TTC21B: variants seen among roughly 807,000 people sequenced by gnomAD.
TTC21B encodes the protein tetratricopeptide repeat domain 21B, also known as tetratricopeptide repeat protein 21B.
TTC21B carries 127 observed loss-of-function variants against 175.1 expected under a neutral mutation model. The ratio of observed to expected loss-of-function variants is 0.73; its 90% CI spans 0.63 to 0.84. The LOEUF is 0.84. Among genes scored for constraint, TTC21B ranks in the 40% least tolerant of loss-of-function variants. The pLI, the probability that TTC21B is intolerant of heterozygous loss-of-function variation, is 0.00. For synonymous variants in TTC21B, 524 were observed against 524.5 expected, an observed-to-expected ratio of 1.00 and a Z score of 0.01; for missense variants, 1,561 against 1,558.3, an observed-to-expected ratio of 1.00 and a Z score of -0.03.
chr2:165,927,297 T>C lies in TTC21B; in HGVS notation c.1386+1838A>G, dbSNP rs866955750. On this transcript the variant is annotated intron_variant, in intron 11 of 28. Coordinates refer to ENST00000243344, the MANE Select transcript of TTC21B (RefSeq NM_024753.5). ...ATATATATATATATCCTAGTAGTTATATATATATATTATATATTATATAAT... is the reference window on the plus strand; with the variant it reads ...ATATATATATATATCCTAGTAGTTACATATATATATTATATATTATATAAT... 3.1e-3 allele frequency among the ~76,000 whole-genome samples: 303 copies of C among 99,040 alleles called. 10 individuals are homozygous for C. Among genetic ancestry groups the C allele is most frequent in the African/African-American group, 0.013 (294 of 22,558 alleles). The allele number at this position is 99,040 out of a possible 152,430, so 65.0% of individuals were successfully genotyped here. A position where few individuals can be genotyped will look rare whatever the true frequency, so the allele number is the denominator to read the frequency against.
chr2:165,931,127 T>C (rs183100166), intron 8 of TTC21B, among the ~76,000 whole-genome samples: 10 of 152,210 alleles, frequency 6.6e-5, no homozygotes, highest in African/African-American at 2.4e-4. Context: ...CAATCTGATA[T>C]CTTTGTTTTT....
intron 14 of TTC21B, 130 bp downstream of exon 14, chr2:165,917,127 C>CAG: frequency 1.2e-6 from 1 of 814,990 alleles, no homozygotes; most frequent in South Asian, 1.5e-5. Context: ...GATCCATCTG[C>CAG]CTCGGCCTCC....
At chr2:165,906,164 C>G (rs1054496386) in intron 19 of TTC21B, among the ~76,000 whole-genome samples, 1 of 146,888 alleles carries the variant, frequency 6.8e-6, no homozygotes, top group Non-Finnish European at 1.5e-5. Context: ...TGCTGATAAA[C>G]CAGTGTTGAG....
intron 19 of TTC21B, 116 bp from the exon 20 acceptor site, chr2:165,902,026 C>T (rs1685586770): frequency 2.2e-6 from 2 of 917,902 alleles, no homozygotes; most frequent in African/African-American, 3.4e-5. Context: ...CTTGATCTAA[C>T]AAAGTCTGAT....
In TTC21B at chr2:165,890,590, T is replaced by C. The variant is rs761450260; in HGVS notation, c.3152A>G (p.Lys1051Arg). ...GGCATTTTGGCCCCAGTCACGATCT[T>C]TCCGAGCTTTATTAAAATGTCGAAG... Reference protein sequence around the residue: ...DALRHFNKARKDRDWGQNALY... With the variant: ...DALRHFNKARRDRDWGQNALY... Residue 1051 changes from lysine to arginine, a missense_variant, in exon 24 of 29, where the codon AAA (lysine) becomes AGA (arginine). Physicochemically the swap from Lys to Arg is conservative, Grantham distance 26 (BLOSUM62 2). Transcript: ENST00000243344. 6.2e-7 allele frequency: 1 copy of C among 1,613,822 alleles called. No individual in the cohort carries two copies. Among genetic ancestry groups the C allele is most frequent in the South Asian group, 1.1e-5 (1 of 91,072 alleles).
At chr2:165,930,797 A>G (rs775609463) in intron 8 of TTC21B, among the ~76,000 whole-genome samples, 2 of 130,022 alleles carry the variant, frequency 1.5e-5, no homozygotes, top group Non-Finnish European at 3.6e-5. Context: ...CTTATTGAAT[A>G]AAAAACTAGG....
chr2:165,888,314 C>T lies in TTC21B; in HGVS notation c.3424G>A (p.Ala1142Thr). The T allele has an allele frequency of 6.2e-7, 1 of 1,613,814 alleles. No homozygotes were observed. ...GCTATTTCAGTGAAGGTATTTAATG[C>T]TTGTTCAACATTAGATTTCTGTTTG... Reference protein sequence around the residue: ...ATKQKSNVEQALNTFTEIAAS... With the variant: ...ATKQKSNVEQTLNTFTEIAAS... The change falls in exon 25 of 29, where the codon GCA becomes ACA. Residue 1142 changes from alanine to threonine, a missense_variant. Coordinates refer to ENST00000243344, the MANE Select transcript of TTC21B (RefSeq NM_024753.5).
chr2:165,918,110 A>T (rs549837106), intron 13 of TTC21B, among the ~76,000 whole-genome samples: 21 of 152,328 alleles, frequency 1.4e-4, no homozygotes, highest in African/African-American at 4.6e-4. Context: ...GGAAGTCTAT[A>T]ATCCTCCTGA....
At chr2:165,930,094 GTTC>G (rs942201531) in intron 9 of TTC21B, 75 bp downstream of exon 9, 54 of 1,383,234 alleles carry the variant, frequency 3.9e-5, no homozygotes, top group Non-Finnish European at 5.2e-5. Context: ...AAATCCATGT[GTTC>G]TTCTCTAATG....
In TTC21B at chr2:165,915,347, A is replaced by G; in HGVS notation, c.1992T>C (p.Ala664=). 6.2e-7 allele frequency: 1 copy of G among 1,614,092 alleles called. No homozygotes were observed. Among genetic ancestry groups the G allele is most frequent in the Non-Finnish European group, 8.5e-7 (1 of 1,179,950 alleles). Residue 664 remains alanine (A), a synonymous_variant, in exon 15 of 29, where the codon GCT becomes GCC. Transcript: ENST00000243344. ...VRVTIANADL[A]LAQGDIERAL... is the part of the protein sequence containing the mutation. ...CCCGTTCAATATCTCCTTGGGCTAG[A>G]GCAAGGTCTGCATTAGCAATGGTAA...
At chr2:165,908,402 C>T (rs1685816217) in intron 18 of TTC21B, among the ~76,000 whole-genome samples, 1 of 152,100 alleles carries the variant, frequency 6.6e-6, no homozygotes, top group African/African-American at 2.4e-5. Context: ...TTAAAATATG[C>T]AAAGTAGTGA....
In TTC21B at chr2:165,874,218, T is replaced by A. The variant is rs1349834741; in HGVS notation, c.*537A>T. On this transcript the variant is annotated 3_prime_UTR_variant, in exon 29 of 29. Transcript: ENST00000243344. ...AAAATTAGCCGGGTGTGATGGCACA[T>A]GCCTTTAGTCCCAGCTACTCGGGAG... is the stretch of plus-strand genomic sequence containing the variant. 6.6e-6 allele frequency: 1 copy of A among 152,560 alleles called. No homozygotes were observed. Among genetic ancestry groups the A allele is most frequent in the African/African-American group, 2.4e-5 (1 of 41,434 alleles). 9.5% of individuals were successfully genotyped at this position (152,560 alleles called of 1,614,324 possible). A position where few individuals can be genotyped will look rare whatever the true frequency, so the allele number is the denominator to read the frequency against.
intron 19 of TTC21B, among the ~76,000 whole-genome samples, chr2:165,906,878 C>T (rs1358855850): frequency 6.7e-6 from 1 of 148,496 alleles, no homozygotes; most frequent in Non-Finnish European, 1.5e-5. Flanking sequence ...TCGCTTCAAC[C>T]TGGGAGGCAG....
At chr2:165,949,574 T>G in intron 2 of TTC21B, 21 bp downstream of exon 2, 1 of 1,613,804 alleles carries the variant, frequency 6.2e-7, no homozygotes, top group East Asian at 2.2e-5. Context: ...TGATGGAACA[T>G]GTTTAATGAT....
chr2:165,929,868 A>G, intron 9 of TTC21B, 121 bp from the exon 10 acceptor site: 2 of 752,746 alleles, frequency 2.7e-6, no homozygotes, highest in Non-Finnish European at 4.6e-6. Flanking sequence ...AACGTTTTAG[A>G]TTAAAAACAA....
At chr2:165,941,812 A>G (rs1244465350) in intron 5 of TTC21B, among the ~76,000 whole-genome samples, 1 of 152,142 alleles carries the variant, frequency 6.6e-6, no homozygotes, top group Non-Finnish European at 1.5e-5. Flanking sequence ...TTAAGTAATC[A>G]TTAAAAATGA....
rs575061621 is a variant in TTC21B, at chr2:165,918,339, G to A, written c.1675-858C>T. 2.6e-5 allele frequency among the ~76,000 whole-genome samples: 4 copies of A among 152,248 alleles called. No homozygotes were observed. The South Asian group carries it at 6.2e-4, about 24-fold the overall frequency. ...AGATGGAGTCTCGCTCTGTTGCCCA[G>A]GCTGGAGTGCAGTGGCGTGATCTCA... On this transcript the variant is annotated intron_variant, in intron 13 of 28. Transcript: ENST00000243344.
intron 25 of TTC21B, among the ~76,000 whole-genome samples, chr2:165,886,789 C>T (rs1370722897): frequency 6.6e-6 from 1 of 152,128 alleles, no homozygotes; most frequent in Non-Finnish European, 1.5e-5. Context: ...GATAGAATAG[C>T]ACATCACAGC....
At chr2:165,884,138 C>T (rs1464503459) in intron 25 of TTC21B, 120 bp from the exon 26 acceptor site, 1 of 808,906 alleles carries the variant, frequency 1.2e-6, no homozygotes, top group African/African-American at 1.7e-5. Context: ...AGCTCCATTA[C>T]AGATAACTGT....
Sources: gnomAD v4.1 joint callset for allele counts (sites outside exome capture counted in the v4.1 genomes callset) on GRCh38, gnomAD v4.1.1 for gene constraint, MANE v1.5 for transcripts, NCBI Gene and HGNC (gene_info 2026-07-23, HGNC 2026-07-21) for gene names.